Variants in MSI2 observed in about 807,000 individuals in gnomAD.
MSI2 encodes musashi RNA binding protein 2.
MSI2 carries 17 observed loss-of-function variants against 45.6 expected under a neutral mutation model. The ratio of observed to expected loss-of-function variants is 0.37; its 90% confidence interval spans 0.26 to 0.56. MSI2 has a LOEUF of 0.56. Among genes scored for constraint, MSI2 ranks in the 20% least tolerant of loss-of-function variants. MSI2 has a pLI of 0.77. For synonymous variants in MSI2, 156 were observed against 158.2 expected (o/e 0.99, Z 0.11); for missense variants, 293 against 444.2 (o/e 0.66, Z 3.06).
chr17:57,519,049 C>G (rs895051240), intron 6 of MSI2, among the ~76,000 whole-genome samples: 5 of 152,188 alleles, frequency 3.3e-5, no homozygotes, highest in Non-Finnish European at 5.9e-5. Flanking sequence ...CACGGCTTTG[C>G]AAGCTCAGCC....
chr17:57,634,473 AAAG>A (rs1567951071), intron 10 of MSI2, among the ~76,000 whole-genome samples: 1 of 147,342 alleles, frequency 6.8e-6, no homozygotes, highest in Non-Finnish European at 1.5e-5. Context: ...CTCAAAAAAA[AAAG>A]AGAGAGAGAG....
chr17:57,541,594 G>A (rs1221237769), intron 7 of MSI2, among the ~76,000 whole-genome samples: 1 of 152,198 alleles, frequency 6.6e-6, no homozygotes, highest in Non-Finnish European at 1.5e-5. Flanking sequence ...CAATCCTGGA[G>A]TGAATTTTTA....
intron 5 of MSI2, chr17:57,278,470 C>T (rs1909082711): frequency 6.6e-6 from 1 of 152,278 alleles, no homozygotes; most frequent in Admixed American, 6.5e-5. Context: ...CGGAGACCCA[C>T]ATTAGGTTTT....
At chr17:57,377,848 G>T (rs540358706) in intron 5 of MSI2, among the ~76,000 whole-genome samples, 1 of 152,244 alleles carries the variant, frequency 6.6e-6, no homozygotes, top group East Asian at 1.9e-4. Flanking sequence ...AGCCAAGGCG[G>T]GTGGATCACG....
At chr17:57,549,129 C>A (rs1210969745) in intron 7 of MSI2, among the ~76,000 whole-genome samples, 1 of 152,186 alleles carries the variant, frequency 6.6e-6, no homozygotes, top group East Asian at 1.9e-4. Flanking sequence ...CCCACCTGGG[C>A]CTTCCAAAGT....
intron 6 of MSI2, among the ~76,000 whole-genome samples, chr17:57,440,448 G>GTGTGTGTGTGTGTT (rs1318537861): frequency 6.6e-6 from 1 of 150,714 alleles, no homozygotes; most frequent in African/African-American, 2.4e-5. Context: ...GTGTGTGTGT[G>GTGTGTGTGTGTGTT]TGTGTGTGTG....
chr17:57,682,513 G>A lies in MSI2; in HGVS notation c.*2996G>A. ...TAATCTGTGTGAATATGTTTTAGAT[G>A]TTTATATACCTTTTGAAGAGACCCA... On this transcript the variant is annotated 3_prime_UTR_variant, in exon 14 of 14. Transcript: ENST00000284073. 4.8e-6 allele frequency: 1 copy of A among 206,618 alleles called. No individual in the cohort carries two copies. The highest frequency in any genetic ancestry group is 9.9e-6 in the Non-Finnish European group (1 of 101,426). The allele number at this position is 206,618 out of a possible 1,614,324, so 12.8% of individuals were successfully genotyped here.
At chr17:57,462,150 C>G (rs994487928) in intron 6 of MSI2, among the ~76,000 whole-genome samples, 7 of 152,234 alleles carry the variant, frequency 4.6e-5, no homozygotes, top group African/African-American at 1.7e-4. Flanking sequence ...AGACACATCA[C>G]TCCAATCTCT....
rs867246630 is a variant in MSI2 at position 57,257,348 on chromosome 17, A to C, written c.104-118A>C. The C allele has an allele frequency of 2.3e-5, 16 of 696,758 alleles. No individual in the cohort carries two copies. In the Middle Eastern group the frequency reaches 3.1e-3, roughly 136 times the overall value. 43.2% of individuals were successfully genotyped at this position (696,758 alleles called of 1,614,324 possible). A position where few individuals can be genotyped will look rare whatever the true frequency, so the allele number is the denominator to read the frequency against. On this transcript the variant is annotated intron_variant, in intron 2 of 13. Transcript: ENST00000284073. Reference sequence around the variant, plus strand: ...CCCCGCGTGTGCAAAAAATGCAAAAACAAAACAGAATAACAACAGAAAACT... The same window carrying C: ...CCCCGCGTGTGCAAAAAATGCAAAACCAAAACAGAATAACAACAGAAAACT...
intron 6 of MSI2, among the ~76,000 whole-genome samples, chr17:57,411,059 C>G (rs2084186734): frequency 6.6e-6 from 1 of 152,194 alleles, no homozygotes; most frequent in Non-Finnish European, 1.5e-5. Context: ...GGCTGGAGTG[C>G]AGCAGCACGA....
intron 7 of MSI2, among the ~76,000 whole-genome samples, chr17:57,554,037 G>C (rs982193416): frequency 3.3e-5 from 5 of 152,090 alleles, no homozygotes; most frequent in African/African-American, 1.2e-4. Flanking sequence ...TAACTAGAGA[G>C]GTTTGCAAAG....
At position 57,361,773 on chromosome 17, in the gene MSI2, G is replaced by A. The variant is rs577244196; in HGVS notation, c.313-39606G>A. Among the ~76,000 whole-genome samples, 16 of 152,282 alleles carry A rather than the reference G, an allele frequency of 1.1e-4. No homozygotes were observed. In the East Asian group the frequency reaches 3.1e-3, roughly 29 times the overall value. On this transcript the variant is annotated intron_variant, in intron 5 of 13. Transcript: ENST00000284073. Reference sequence around the variant, plus strand: ...TTTGCTGTCTCAGGGGTGCAGAGGTGGAAGAAAATCCACATATAAGTGGAC... The same window carrying A: ...TTTGCTGTCTCAGGGGTGCAGAGGTAGAAGAAAATCCACATATAAGTGGAC...
intron 6 of MSI2, among the ~76,000 whole-genome samples, chr17:57,527,465 G>GC (rs918918895): frequency 5.0e-4 from 7 of 13,898 alleles, no homozygotes; most frequent in East Asian, 7.7e-3. Flanking sequence ...GGTTACCGTC[G>GC]GCGGGGGCTC....
At chr17:57,664,121 T>C (rs1311743820) in intron 11 of MSI2, among the ~76,000 whole-genome samples, 1 of 152,204 alleles carries the variant, frequency 6.6e-6, no homozygotes, top group Non-Finnish European at 1.5e-5. Context: ...TAAAGGGTCC[T>C]TGGGAGCCAT....
intron 5 of MSI2, among the ~76,000 whole-genome samples, chr17:57,326,928 A>G (rs1175127098): frequency 6.6e-6 from 1 of 152,182 alleles, no homozygotes; most frequent in African/African-American, 2.4e-5. Flanking sequence ...TTGGAATAGA[A>G]CTGCTCATCT....
chr17:57,671,776 C>T (rs1022277095), intron 11 of MSI2, among the ~76,000 whole-genome samples: 1 of 152,258 alleles, frequency 6.6e-6, no homozygotes, highest in African/African-American at 2.4e-5. Flanking sequence ...GGAACAGCTA[C>T]TGACAAGTTT....
At chr17:57,488,823 TAA>T (rs74268855) in intron 6 of MSI2, among the ~76,000 whole-genome samples, 4 of 140,248 alleles carry the variant, frequency 2.9e-5, no homozygotes, top group Non-Finnish European at 3.1e-5. Flanking sequence ...AAACTCCGTC[TAA>T]AAAAAAAAAA....
At chr17:57,372,569 A>G (rs1410196160) in intron 5 of MSI2, among the ~76,000 whole-genome samples, 1 of 152,262 alleles carries the variant, frequency 6.6e-6, no homozygotes, top group Non-Finnish European at 1.5e-5. Flanking sequence ...GAAAAAAGTT[A>G]CAGATGAACA....
intron 11 of MSI2, among the ~76,000 whole-genome samples, chr17:57,672,342 C>T (rs1407903690): frequency 6.6e-6 from 1 of 152,248 alleles, no homozygotes; most frequent in African/African-American, 2.4e-5. Context: ...TCAGAAACCA[C>T]AGGCCTCCCC....
Sources: allele counts gnomAD v4.1 joint callset (sites outside exome capture counted in the v4.1 genomes callset), GRCh38; gene constraint gnomAD v4.1.1; transcripts MANE v1.5; gene names NCBI Gene and HGNC (gene_info 2026-07-23, HGNC 2026-07-21).